Variants in NCAN observed in about 807,000 individuals in gnomAD.
NCAN encodes neurocan, also known as neurocan core protein.
Under a neutral mutation model 121.8 loss-of-function variants are expected in NCAN, and 47 were observed. The observed-to-expected ratio is 0.39, with a 90% confidence interval of 0.31 to 0.49. The LOEUF (loss-of-function observed/expected upper bound fraction) is 0.49, where lower values mean the gene tolerates loss of function less well. Ranked by LOEUF, NCAN falls within the 20% of genes least tolerant of loss-of-function variation. NCAN has a pLI of 0.92. For missense variants in NCAN, 1,517 were observed against 1,773.4 expected (o/e 0.86, Z 2.60); for synonymous variants, 633 against 702.0 (o/e 0.90, Z 1.55).
chr19:19,223,419 A>T (rs905667534), intron 3 of NCAN, among the ~76,000 whole-genome samples: 1 of 151,850 alleles, frequency 6.6e-6, no homozygotes, highest in African/African-American at 2.4e-5. Flanking sequence ...TAGAACAATC[A>T]GATTTGTTGT....
At chr19:19,222,086 G>T (rs560434543) in intron 3 of NCAN, among the ~76,000 whole-genome samples, 1 of 152,046 alleles carries the variant, frequency 6.6e-6, no homozygotes, top group Non-Finnish European at 1.5e-5. Context: ...GGCTTAACCT[G>T]CATGCCCCCA....
rs548270172 is a variant in NCAN at position 19,221,771 on chromosome 19, T to A, written c.476-2250T>A. On this transcript the variant is annotated intron_variant, in intron 3 of 14. Coordinates refer to ENST00000252575, the MANE Select transcript of NCAN (RefSeq NM_004386.3). ...AGGGCATGCTAGTGTGCGCCTGTAGTCTCAGCTTGTCAGGAGGCTGAGGTG... is the reference window on the plus strand; with the variant it reads ...AGGGCATGCTAGTGTGCGCCTGTAGACTCAGCTTGTCAGGAGGCTGAGGTG... 1.4e-4 allele frequency among the ~76,000 whole-genome samples: 21 copies of A among 151,944 alleles called. No individual in the cohort carries two copies. In the South Asian group the frequency reaches 4.4e-3, roughly 32 times the overall value.
chr19:19,232,932 A>T (rs186045310), intron 8 of NCAN: 1 of 151,494 alleles, frequency 6.6e-6, no homozygotes, highest in Non-Finnish European at 1.5e-5. Context: ...CAAAAAATGA[A>T]GCATTTCATT....
rs373616614 is a variant in NCAN at position 19,226,500 on chromosome 19, T to C, written c.1087T>C (p.Ser363Pro). Residue 363 changes from serine (S) to proline (P), a missense_variant, in exon 7 of 15, where the codon TCA becomes CCA. By Grantham distance (74) the Ser-to-Pro change is moderately conservative. Transcript: ENST00000252575. ...AYCFRAHHPT[S>P]QHGDLETPSS... ...TTCTCCCACAGCTCATCACCCCACG[T>C]CACAACATGGAGACCTAGAGACCCC... is the stretch of plus-strand genomic sequence containing the variant. The C allele has an allele frequency of 1.9e-6, 3 of 1,588,890 alleles. No homozygotes were observed. Among genetic ancestry groups the C allele is most frequent in the East Asian group, 2.3e-5 (1 of 44,314 alleles).
At chr19:19,241,706 T>G (rs1488032761) in intron 12 of NCAN, among the ~76,000 whole-genome samples, 2 of 151,522 alleles carry the variant, frequency 1.3e-5, no homozygotes, top group Non-Finnish European at 2.9e-5. Context: ...AAGTTAAACA[T>G]AGAGTTACCA....
Position 19,236,343 on chromosome 19 carries a change from A to T in NCAN, c.3250+1247A>T, listed in dbSNP as rs575055511. On this transcript the variant is annotated intron_variant, in intron 10 of 14. Coordinates refer to ENST00000252575, the MANE Select transcript of NCAN (RefSeq NM_004386.3). Reference sequence around the variant, plus strand: ...GTTCACCTGTATTGTAATATGAATCAGTGTTTCATTCCTTTTCATGGCTGA... The same window carrying T: ...GTTCACCTGTATTGTAATATGAATCTGTGTTTCATTCCTTTTCATGGCTGA... Among the ~76,000 whole-genome samples, 19 of 152,290 alleles carry T rather than the reference A, an allele frequency of 1.2e-4. No individual in the cohort carries two copies. The South Asian group carries it at 3.9e-3, about 32-fold the overall frequency.
rs1027154835 is a variant in NCAN, at chr19:19,212,105, T to G, written c.-8+41T>G. ...GGGGGCCGTGTTGCGGGAGAAGACT[T>G]CGGGATTAGAGACAGAGCTCAGGAT... is the stretch of plus-strand genomic sequence containing the variant. On this transcript the variant is annotated intron_variant, in intron 1 of 14. Transcript: ENST00000252575. The surrounding 1 kb of genome is among the most constrained non-coding windows in gnomAD (Gnocchi z 4.5). The G allele has an allele frequency of 5.6e-6, 1 of 179,830 alleles. No individual in the cohort carries two copies. Among genetic ancestry groups the G allele is most frequent in the Non-Finnish European group, 1.2e-5 (1 of 81,168 alleles). 11.1% of individuals were successfully genotyped at this position (179,830 alleles called of 1,614,324 possible).
chr19:19,240,804 C>T (rs2060900732), intron 12 of NCAN, 119 bp downstream of exon 12: 1 of 972,388 alleles, frequency 1.0e-6, no homozygotes, highest in South Asian at 1.4e-5. Context: ...CTAGTGGCTC[C>T]AAGATGCTGG....
In NCAN at chr19:19,245,476, T is replaced by G; in HGVS notation, c.3637+19T>G. On this transcript the variant is annotated intron_variant, in intron 13 of 14. Coordinates refer to ENST00000252575, the MANE Select transcript of NCAN (RefSeq NM_004386.3). ...GGCACAGGTATGCTGTGCCCCCTGC[T>G]TCTTTTCCTCTCTGTCACTTTTGCT... The G allele has an allele frequency of 1.2e-6, 2 of 1,607,662 alleles. No individual in the cohort carries two copies. Among genetic ancestry groups the G allele is most frequent in the Non-Finnish European group, 1.7e-6 (2 of 1,176,082 alleles).
rs199740917 is a variant in NCAN at position 19,218,922 on chromosome 19, G to C, written c.81G>C (p.Gln27His). The C allele has an allele frequency of 1.3e-6, 2 of 1,515,496 alleles. No individual in the cohort carries two copies. Among genetic ancestry groups the C allele is most frequent in the Non-Finnish European group, 1.8e-6 (2 of 1,130,296 alleles). 93.9% of individuals were successfully genotyped at this position (1,515,496 alleles called of 1,614,324 possible). A position where few individuals can be genotyped will look rare whatever the true frequency, so the allele number is the denominator to read the frequency against. The change falls in exon 3 of 15, where the codon CAG becomes CAC. Residue 27 changes from glutamine to histidine, a missense_variant. Coordinates refer to ENST00000252575, the MANE Select transcript of NCAN (RefSeq NM_004386.3). ...LLFVAGEQGT[Q>H]DITDASERGL... ...CCACCTTCTCCAACCCAGGCACACA[G>C]GATATCACCGATGCCAGCGAAAGGG... is the stretch of plus-strand genomic sequence containing the variant.
At chr19:19,247,399 G>A (rs1034395593) in intron 13 of NCAN, among the ~76,000 whole-genome samples, 2 of 152,106 alleles carry the variant, frequency 1.3e-5, no homozygotes, top group African/African-American at 4.8e-5. Flanking sequence ...GACTACAGGC[G>A]CACGCTGCCA....
intron 6 of NCAN, 69 bp from the exon 7 acceptor site, chr19:19,226,417 G>T (rs1599812556): frequency 8.2e-7 from 1 of 1,220,596 alleles, no homozygotes; most frequent in East Asian, 2.4e-5. Context: ...TGGAAAGTGG[G>T]TAGACTTCAA....
At chr19:19,220,447 A>ATTTTTTTTTTTTT (rs1343151998) in intron 3 of NCAN, among the ~76,000 whole-genome samples, 1 of 108,730 alleles carries the variant, frequency 9.2e-6, no homozygotes. Flanking sequence ...TGTTTAGGCA[A>ATTTTTTTTTTTTT]TTCTTTTTTT....
chr19:19,237,433 G>A (rs1010127912), intron 10 of NCAN, among the ~76,000 whole-genome samples: 3 of 151,280 alleles, frequency 2.0e-5, no homozygotes, highest in Non-Finnish European at 4.4e-5. Context: ...TGTCTACAGT[G>A]AGCCAAGATC....
In NCAN at chr19:19,228,124, C is replaced by G; in HGVS notation, c.2504C>G (p.Pro835Arg). 1 of 1,613,668 alleles carries G rather than the reference C, an allele frequency of 6.2e-7. No individual in the cohort carries two copies. Among genetic ancestry groups the G allele is most frequent in the Non-Finnish European group, 8.5e-7 (1 of 1,180,018 alleles). ...AATCCCATGGATTCCACAGTCACGCCGGCCCCCAGTGATGCTAGTGGAATT... is the reference window on the plus strand; with the variant it reads ...AATCCCATGGATTCCACAGTCACGCGGGCCCCCAGTGATGCTAGTGGAATT... Reference protein sequence around the residue: ...TVNPMDSTVTPAPSDASGIWE... With the variant: ...TVNPMDSTVTRAPSDASGIWE... The change falls in exon 8 of 15, where the codon CCG (proline) becomes CGG (arginine). Residue 835 changes from proline (P) to arginine (R), a missense_variant. Coordinates refer to ENST00000252575, the MANE Select transcript of NCAN (RefSeq NM_004386.3).
chr19:19,227,752 C>G lies in NCAN; in HGVS notation c.2132C>G (p.Thr711Ser), dbSNP rs1236431052. ...GCAGACTTCAGAGAAACTGGGGAGA[C>G]CAGCCCTGCTCAGGTCAACAAAGCT... Reference protein sequence around the residue: ...PRADFRETGETSPAQVNKAEH... With the variant: ...PRADFRETGESSPAQVNKAEH... Residue 711 changes from threonine to serine, a missense_variant, in exon 8 of 15, where the codon ACC (threonine) becomes AGC (serine). Physicochemically the swap from Thr to Ser is moderately conservative, Grantham distance 58. Coordinates refer to ENST00000252575, the MANE Select transcript of NCAN (RefSeq NM_004386.3). The surrounding 1 kb of genome is among the most constrained non-coding windows in gnomAD (Gnocchi z 4.2). 1 of 1,613,696 alleles carries G rather than the reference C, an allele frequency of 6.2e-7. No individual in the cohort carries two copies. The highest frequency in any genetic ancestry group is 1.3e-5 in the African/African-American group (1 of 74,924).
intron 12 of NCAN, among the ~76,000 whole-genome samples, chr19:19,244,184 C>T (rs1035183287): frequency 1.3e-5 from 2 of 152,108 alleles, no homozygotes; most frequent in African/African-American, 2.4e-5. Flanking sequence ...AGCCCCATCA[C>T]GCAGCTCCAG....
intron 8 of NCAN, among the ~76,000 whole-genome samples, chr19:19,229,604 A>G (rs192815347): frequency 1.3e-3 from 192 of 152,280 alleles, no homozygotes; most frequent in Non-Finnish European, 2.4e-3. Flanking sequence ...GTCACACCTC[A>G]ACTGGAGCCC....
In NCAN at chr19:19,228,563, G is replaced by A; in HGVS notation, c.2943G>A (p.Glu981=). Residue 981 remains glutamate (E), a synonymous_variant, in exon 8 of 15, where the codon GAG becomes GAA. Coordinates refer to ENST00000252575, the MANE Select transcript of NCAN (RefSeq NM_004386.3). ...TCCTGGCAGGGAGCCCGGGTGTAGA[G>A]AGCTTCTGGGAGGAGGTGGCAAGTG... ...LEVLAGSPGV[E]SFWEEVASGE... The A allele has an allele frequency of 6.2e-7, 1 of 1,613,062 alleles. No homozygotes were observed. The highest frequency in any genetic ancestry group is 1.3e-5 in the African/African-American group (1 of 75,036).
Sources: gnomAD v4.1 joint callset for allele counts (sites outside exome capture counted in the v4.1 genomes callset) on GRCh38, gnomAD v4.1.1 for gene constraint, Gnocchi (gnomAD v3.1) non-coding constraint, MANE v1.5 for transcripts, NCBI Gene and HGNC (gene_info 2026-07-23, HGNC 2026-07-21) for gene names.